GLS2: variants seen among roughly 807,000 people sequenced by gnomAD.
GLS2 encodes the protein glutaminase 2.
A neutral mutation model predicts 79.0 loss-of-function variants in GLS2; 52 were observed. The observed-to-expected ratio is 0.66, with a 90% CI of 0.53 to 0.83. The LOEUF (loss-of-function observed/expected upper bound fraction) is 0.83. Ranked by LOEUF, GLS2 falls within the 40% of genes least tolerant of loss-of-function variation. The probability of loss-of-function intolerance (pLI) is 0.00; values close to 1 mark genes in which losing one functional copy is unlikely to be tolerated. For missense variants in GLS2, 561 were observed against 764.8 expected, an observed-to-expected ratio of 0.73 and a Z score of 3.14; for synonymous variants, 238 against 280.8, an observed-to-expected ratio of 0.85 and a Z score of 1.52.
intron 14 of GLS2, 85 bp from the exon 15 acceptor site, chr12:56,472,836 G>T: frequency 9.7e-7 from 1 of 1,034,508 alleles, no homozygotes; most frequent in African/African-American, 1.6e-5. Context: ...TGGATGCTTA[G>T]TCCAAGGGTA....
intron 14 of GLS2, 80 bp from the exon 15 acceptor site, chr12:56,472,831 G>T: frequency 8.8e-7 from 1 of 1,139,916 alleles, no homozygotes; most frequent in Non-Finnish European, 1.3e-6. Context: ...CTCCATGGAT[G>T]CTTAGTCCAA....
intron 15 of GLS2, chr12:56,472,476 C>G: frequency 1.6e-6 from 1 of 608,102 alleles, no homozygotes; most frequent in Non-Finnish European, 2.9e-6. Flanking sequence ...CTGCTCTTAA[C>G]ACTCAATAAC....
At chr12:56,485,797 T>A (rs1353776720) in intron 1 of GLS2, among the ~76,000 whole-genome samples, 1 of 151,890 alleles carries the variant, frequency 6.6e-6, no homozygotes, top group Non-Finnish European at 1.5e-5. Flanking sequence ...ATCCCAGCAC[T>A]TTGGGAGGCC....
chr12:56,473,569 A>T lies in GLS2; in HGVS notation c.1250T>A (p.Val417Glu). ...FHVGLPAKSA[V>E]SGAILLVVPN... ...TACCACCAGGAGGATGGCTCCTGAT[A>T]CAGCTGACTTGGCTGGCAGGCCCAC... Residue 417 changes from valine (V) to glutamate (E), a missense_variant, in exon 13 of 18, where the codon GTA (valine) becomes GAA (glutamate). Val to Glu is a moderately radical substitution (Grantham distance 121). Around this residue, in one of 4 missense-constraint regions of GLS2, gnomAD observed 221 missense variants for 275.6 expected, o/e 0.80. Coordinates refer to ENST00000311966, the MANE Select transcript of GLS2 (RefSeq NM_013267.4). 6.2e-7 allele frequency: 1 copy of T among 1,612,342 alleles called. No homozygotes were observed. Among genetic ancestry groups the T allele is most frequent in the Non-Finnish European group, 8.5e-7 (1 of 1,179,746 alleles).
rs377467340 is a variant in GLS2 at position 56,472,771 on chromosome 12, C to T, written c.1450-20G>A. On this transcript the variant is annotated intron_variant, in intron 14 of 17. Transcript: ENST00000311966. ...CTTGTTCTGGAACACAAATCATACCCACATGACATTAATTGAACTCACCTA... is the reference window on the plus strand; with the variant it reads ...CTTGTTCTGGAACACAAATCATACCTACATGACATTAATTGAACTCACCTA... The T allele has an allele frequency of 1.0e-4, 162 of 1,612,570 alleles. No homozygotes were observed. Among genetic ancestry groups the T allele is most frequent in the Non-Finnish European group, 1.3e-4 (157 of 1,178,832 alleles).
rs1433995834 is a variant in GLS2, at chr12:56,474,531, G to A, written c.1224+13C>T. ...GGGCTCATGACAGATGGATAGCAGA[G>A]CCAGAAACTCACGTGGAAGGCAAAC... On this transcript the variant is annotated intron_variant, in intron 12 of 17. Coordinates refer to ENST00000311966, the MANE Select transcript of GLS2 (RefSeq NM_013267.4). 3 of 1,613,474 alleles carry A rather than the reference G, an allele frequency of 1.9e-6. No individual in the cohort carries two copies. Among genetic ancestry groups the A allele is most frequent in the Non-Finnish European group, 2.5e-6 (3 of 1,180,012 alleles).
In GLS2 at chr12:56,477,985, C is replaced by T. The variant is rs780176073; in HGVS notation, c.726G>A (p.Val242=). The T allele has an allele frequency of 6.2e-7, 1 of 1,614,210 alleles. No homozygotes were observed. The highest frequency in any genetic ancestry group is 2.2e-5 in the East Asian group (1 of 44,888). ...AGCGCAGGCCACTTGGCTCTTTGCC[C>T]ACAAACTTGTGCACGTAGTCAGTGC... ...TLGTDYVHKF[V]GKEPSGLRYN... is the part of the protein sequence containing the mutation. The change falls in exon 6 of 18, where the codon GTG becomes GTA. Residue 242 remains valine (V), a synonymous_variant. Transcript: ENST00000311966.
At chr12:56,471,894 G>T (rs925154257) in intron 16 of GLS2, 58 bp from the exon 17 acceptor site, 5 of 1,555,060 alleles carry the variant, frequency 3.2e-6, no homozygotes, top group Non-Finnish European at 4.4e-6. Flanking sequence ...CTTTGGTGCA[G>T]ACACTTAGCC....
chr12:56,472,916 C>G (rs1293752497), intron 14 of GLS2, 165 bp from the exon 15 acceptor site: 1 of 572,654 alleles, frequency 1.7e-6, no homozygotes, highest in East Asian at 3.3e-5. Context: ...GAGACGGAGT[C>G]TCGCTCTGTC....
At chr12:56,477,764 C>G in intron 6 of GLS2, 46 bp from the exon 7 acceptor site, 1 of 1,585,226 alleles carries the variant, frequency 6.3e-7, no homozygotes, top group Non-Finnish European at 8.6e-7. Flanking sequence ...TGAACAAAGC[C>G]TCCCTGACAG....
intron 10 of GLS2, 24 bp from the exon 11 acceptor site, chr12:56,474,920 ATT>A: frequency 6.2e-7 from 1 of 1,614,046 alleles, no homozygotes; most frequent in South Asian, 1.1e-5. Flanking sequence ...AGGGGAGAGC[ATT>A]TCTCTTCAGG....
Position 56,488,091 on chromosome 12 carries a change from C to A in GLS2, c.28G>T (p.Ala10Ser), listed in dbSNP as rs867694933. 1 of 1,564,930 alleles carries A rather than the reference C, an allele frequency of 6.4e-7. No individual in the cohort carries two copies. Among genetic ancestry groups the A allele is most frequent in the Non-Finnish European group, 8.6e-7 (1 of 1,162,202 alleles). MRSMKALQK[A>S]LSRAGSHCGR... ...CAGTGACTGCCAGCCCGGCTCAGGG[C>A]CTTCTGCAGAGCCTTCATGGAGCGC... Residue 10 changes from alanine to serine, a missense_variant, in exon 1 of 18, where the codon GCC becomes TCC. Physicochemically the swap from Ala to Ser is moderately conservative, Grantham distance 99. Transcript: ENST00000311966.
intron 1 of GLS2, among the ~76,000 whole-genome samples, chr12:56,482,899 G>C (rs1870404241): frequency 1.3e-5 from 2 of 151,466 alleles, no homozygotes; most frequent in Non-Finnish European, 2.9e-5. Context: ...ACCCAGCCAA[G>C]CAGAGTTATT....
In GLS2 at chr12:56,481,823, A is replaced by G. The variant is rs560615134; in HGVS notation, c.183-1436T>C. ...AGAGAATTGCTTGAACCCAGGAGTC[A>G]GAGGTTGCAGTGAGCCGAGATCACG... On this transcript the variant is annotated intron_variant, in intron 1 of 17. Coordinates refer to ENST00000311966, the MANE Select transcript of GLS2 (RefSeq NM_013267.4). 5.0e-4 allele frequency among the ~76,000 whole-genome samples: 76 copies of G among 151,726 alleles called. 4 individuals carry two copies. The highest frequency in any genetic ancestry group is 1.7e-3 in the African/African-American group (71 of 41,082).
At chr12:56,482,797 A>G (rs995624917) in intron 1 of GLS2, among the ~76,000 whole-genome samples, 1 of 152,168 alleles carries the variant, frequency 6.6e-6, no homozygotes. Context: ...GGGTCTCACT[A>G]TGTTGCCTAG....
At chr12:56,480,551 G>A in intron 1 of GLS2, 164 bp from the exon 2 acceptor site, 1 of 615,266 alleles carries the variant, frequency 1.6e-6, no homozygotes, top group Non-Finnish European at 2.9e-6. Context: ...TCTGTCCTAA[G>A]AAGTTGTAGA....
chr12:56,474,636 C>G lies in GLS2; in HGVS notation c.1132G>C (p.Glu378Gln). Residue 378 changes from glutamate (E) to glutamine (Q), a missense_variant, in exon 12 of 18, where the codon GAG (glutamate) becomes CAG (glutamine). Physicochemically the swap from Glu to Gln is conservative, Grantham distance 29 (BLOSUM62 2). This residue lies in a region of GLS2 where 221 missense variants were observed against 275.6 expected (regional missense o/e 0.80). Coordinates refer to ENST00000311966, the MANE Select transcript of GLS2 (RefSeq NM_013267.4). ...ANGGICPITG[E>Q]SVLSAEAVRN... Reference sequence around the variant, plus strand: ...ACTGCTTCAGCACTCAGCACACTCTCGCCTGTGATGGGGCAGATCCCACCG... The same window carrying G: ...ACTGCTTCAGCACTCAGCACACTCTGGCCTGTGATGGGGCAGATCCCACCG... 6.2e-7 allele frequency: 1 copy of G among 1,614,134 alleles called. No homozygotes were observed. Among genetic ancestry groups the G allele is most frequent in the Non-Finnish European group, 8.5e-7 (1 of 1,180,006 alleles).
intron 9 of GLS2, 34 bp downstream of exon 9, chr12:56,475,590 A>G (rs745656450): frequency 3.7e-6 from 6 of 1,605,024 alleles, no homozygotes; most frequent in Non-Finnish European, 5.1e-6. Flanking sequence ...ATACACCACA[A>G]TGCTTTCAGT....
chr12:56,485,073 T>G (rs1439136444), intron 1 of GLS2, among the ~76,000 whole-genome samples: 2 of 152,120 alleles, frequency 1.3e-5, no homozygotes, highest in Non-Finnish European at 2.9e-5. Flanking sequence ...AAGATGACAA[T>G]GTCATACACA....
Sources: gnomAD v4.1 joint callset for allele counts (sites outside exome capture counted in the v4.1 genomes callset) on GRCh38, gnomAD v4.1.1 for gene constraint, gnomAD v4.1.1 regional missense constraint, MANE v1.5 for transcripts, NCBI Gene and HGNC (gene_info 2026-07-23, HGNC 2026-07-21) for gene names.